TMEM45B: variants seen among roughly 807,000 people sequenced by gnomAD.
The protein encoded by TMEM45B is transmembrane protein 45B.
TMEM45B carries 29 observed loss-of-function variants against 27.3 expected under a neutral mutation model. That is an observed-to-expected ratio of 1.06 (90% CI 0.79 to 1.45). The LOEUF is 1.45. TMEM45B is among the 40% of genes most tolerant of loss of function. The pLI is 0.00. For missense variants in TMEM45B, 348 were observed against 343.9 expected (o/e 1.01, Z -0.09); for synonymous variants, 143 against 134.7 (o/e 1.06, Z -0.43).
chr11:129,854,044 G>A (rs1488515884), intron 2 of TMEM45B, among the ~76,000 whole-genome samples: 1 of 152,166 alleles, frequency 6.6e-6, no homozygotes, highest in Non-Finnish European at 1.5e-5. Context: ...ACACACAGCT[G>A]GGAGGGGCGC....
intron 2 of TMEM45B, among the ~76,000 whole-genome samples, chr11:129,853,120 A>T (rs1361977410): frequency 6.6e-6 from 1 of 152,050 alleles, no homozygotes; most frequent in Non-Finnish European, 1.5e-5. Flanking sequence ...GCTTATAGAG[A>T]GTTTATGTAG....
chr11:129,827,755 CTG>C (rs1947503230), intron 1 of TMEM45B, among the ~76,000 whole-genome samples: 1 of 151,946 alleles, frequency 6.6e-6, no homozygotes, highest in Non-Finnish European at 1.5e-5. Flanking sequence ...TGAGCTGAGA[CTG>C]CACCATTGCA....
chr11:129,830,989 C>G (rs1258975903), intron 1 of TMEM45B, among the ~76,000 whole-genome samples: 4 of 152,062 alleles, frequency 2.6e-5, no homozygotes, highest in Non-Finnish European at 2.9e-5. Context: ...TCCAAGACCC[C>G]CAGTGGATGC....
chr11:129,847,022 A>T (rs1397514511), intron 1 of TMEM45B, among the ~76,000 whole-genome samples: 3 of 152,218 alleles, frequency 2.0e-5, no homozygotes, highest in Admixed American at 2.0e-4. Context: ...GGATTTACAG[A>T]GCCATGATAA....
intron 1 of TMEM45B, among the ~76,000 whole-genome samples, chr11:129,819,404 A>G (rs1487880122): frequency 6.6e-6 from 1 of 152,194 alleles, no homozygotes. Context: ...GTCATCTGAG[A>G]CAGGCTCCTT....
At chr11:129,844,199 C>G in intron 1 of TMEM45B, among the ~76,000 whole-genome samples, 1 of 152,068 alleles carries the variant, frequency 6.6e-6, no homozygotes, top group East Asian at 1.9e-4. Context: ...AAGCCAGACA[C>G]AGAAAAAATG....
intron 1 of TMEM45B, among the ~76,000 whole-genome samples, chr11:129,834,714 G>C (rs1591439896): frequency 6.6e-6 from 1 of 151,918 alleles, no homozygotes; most frequent in East Asian, 1.9e-4. Context: ...GGGGAGCTGA[G>C]GCAGGATAAT....
At chr11:129,830,759 C>CA (rs1348861057) in intron 1 of TMEM45B, among the ~76,000 whole-genome samples, 1 of 152,234 alleles carries the variant, frequency 6.6e-6, no homozygotes, top group African/African-American at 2.4e-5. Context: ...AATACCACTT[C>CA]ATACCCACTA....
At chr11:129,818,619 T>C (rs1181512761) in intron 1 of TMEM45B, among the ~76,000 whole-genome samples, 1 of 152,260 alleles carries the variant, frequency 6.6e-6, no homozygotes, top group Admixed American at 6.5e-5. Context: ...GAGTGGTTTT[T>C]GTTGTTCTTG....
At chr11:129,837,539 G>A (rs188445090) in intron 1 of TMEM45B, among the ~76,000 whole-genome samples, 57 of 148,210 alleles carry the variant, frequency 3.8e-4, no homozygotes, top group African/African-American at 1.2e-3. Context: ...TGCCCGCCTC[G>A]GCCTCCCAAA....
intron 1 of TMEM45B, among the ~76,000 whole-genome samples, chr11:129,840,173 A>T (rs943101747): frequency 1.3e-5 from 2 of 152,152 alleles, no homozygotes; most frequent in Non-Finnish European, 2.9e-5. Flanking sequence ...GAACTAATCC[A>T]TTAATTTGTT....
intron 1 of TMEM45B, among the ~76,000 whole-genome samples, chr11:129,848,764 T>C (rs1591448604): frequency 6.6e-6 from 1 of 152,162 alleles, no homozygotes; most frequent in Non-Finnish European, 1.5e-5. Context: ...AAAGAACAAA[T>C]TTATTTCTCA....
intron 1 of TMEM45B, among the ~76,000 whole-genome samples, chr11:129,841,159 C>T (rs1273382440): frequency 2.6e-5 from 4 of 152,072 alleles, no homozygotes; most frequent in African/African-American, 7.2e-5. Flanking sequence ...CATCACCCCC[C>T]AGCTCAGCCA....
chr11:129,850,229 A>G (rs1947828884), intron 1 of TMEM45B: 1 of 151,370 alleles, frequency 6.6e-6, no homozygotes, highest in Admixed American at 6.6e-5. Flanking sequence ...CAATGGCGCG[A>G]TCTCGGCTCA....
At chr11:129,823,943 T>A (rs1374617278) in intron 1 of TMEM45B, among the ~76,000 whole-genome samples, 2 of 152,212 alleles carry the variant, frequency 1.3e-5, no homozygotes, top group Non-Finnish European at 2.9e-5. Flanking sequence ...GAGCTTCTCT[T>A]TGATCTGTTC....
chr11:129,858,346 C>G (rs1409515766), intron 5 of TMEM45B, among the ~76,000 whole-genome samples: 1 of 152,178 alleles, frequency 6.6e-6, no homozygotes, highest in African/African-American at 2.4e-5. Flanking sequence ...AACAGTAAAC[C>G]AAGATAGGCA....
chr11:129,838,516 G>T (rs1190681145), intron 1 of TMEM45B, among the ~76,000 whole-genome samples: 1 of 152,030 alleles, frequency 6.6e-6, no homozygotes, highest in African/African-American at 2.4e-5. Context: ...CTTCTTGCTT[G>T]TCTCAGCCAA....
intron 1 of TMEM45B, among the ~76,000 whole-genome samples, chr11:129,840,946 T>TAAAAAAAAAAAAAAAAAAAAAAAAAAAAA (rs55905045): frequency 6.8e-5 from 2 of 29,260 alleles, no homozygotes; most frequent in Non-Finnish European, 1.4e-4. Flanking sequence ...TTTCTTTCTG[T>TAAAAAAAAAAAAAAAAAAAAAAAAAAAAA]AAAAAAAAAA....
intron 1 of TMEM45B, among the ~76,000 whole-genome samples, chr11:129,836,668 A>G (rs1384976117): frequency 6.6e-6 from 1 of 152,244 alleles, no homozygotes; most frequent in African/African-American, 2.4e-5. Context: ...CAAGAGGACG[A>G]CCATGTGAGG....
Sources: gnomAD v4.1 joint callset for allele counts (sites outside exome capture counted in the v4.1 genomes callset) on GRCh38, gnomAD v4.1.1 for gene constraint, MANE v1.5 for transcripts, NCBI Gene and HGNC (gene_info 2026-07-23, HGNC 2026-07-21) for gene names.